DOCK10: variants seen among roughly 807,000 people sequenced by gnomAD.
DOCK10 encodes dedicator of cytokinesis protein 10.
In DOCK10, 145 loss-of-function variants were observed where a neutral mutation model predicts 280.1. That is an observed-to-expected ratio of 0.52 (90% CI 0.45 to 0.59). The LOEUF is 0.59. Among genes scored for constraint, DOCK10 ranks in the 20% least tolerant of loss-of-function variants. DOCK10 has a pLI of 0.00. For missense variants in DOCK10, 2,368 were observed against 2,651.7 expected (o/e 0.89, Z 2.35); for synonymous variants, 915 against 942.2 (o/e 0.97, Z 0.53).
intron 1 of DOCK10, among the ~76,000 whole-genome samples, chr2:224,981,659 A>T (rs1238166869): frequency 6.6e-6 from 1 of 152,246 alleles, no homozygotes; most frequent in Non-Finnish European, 1.5e-5. Context: ...AAGCTTTCTA[A>T]TGAAAACACT....
intron 1 of DOCK10, among the ~76,000 whole-genome samples, chr2:225,016,935 C>T (rs374727208): frequency 1.6e-3 from 241 of 151,946 alleles, no homozygotes; most frequent in African/African-American, 5.5e-3. Flanking sequence ...GTTGGCCAGG[C>T]TGGTCTCAAA....
intron 2 of DOCK10, among the ~76,000 whole-genome samples, chr2:224,922,440 A>G (rs1216768182): frequency 7.9e-5 from 12 of 152,362 alleles, no homozygotes; most frequent in African/African-American, 2.2e-4. Context: ...CTGAAACTGC[A>G]GTGGAACTCA....
chr2:224,832,296 C>T lies in DOCK10; in HGVS notation c.2965-1684G>A, dbSNP rs1574902442. Among the ~76,000 whole-genome samples, 5 of 152,280 alleles carry T rather than the reference C, an allele frequency of 3.3e-5. No homozygotes were observed. In the South Asian group the frequency reaches 1.0e-3, roughly 32 times the overall value. Reference sequence around the variant, plus strand: ...TGTATTCTTCTGAGATTGCCTTTTTCATTCAACAAATTCTGTTCTGTGGTT... The same window carrying T: ...TGTATTCTTCTGAGATTGCCTTTTTTATTCAACAAATTCTGTTCTGTGGTT... On this transcript the variant is annotated intron_variant, in intron 26 of 55. Coordinates refer to ENST00000258390, the MANE Select transcript of DOCK10 (RefSeq NM_014689.3).
intron 28 of DOCK10, among the ~76,000 whole-genome samples, chr2:224,823,034 C>T (rs999804746): frequency 2.7e-5 from 4 of 149,962 alleles, no homozygotes; most frequent in Non-Finnish European, 5.9e-5. Context: ...TGTCACCAGG[C>T]TAGAGTGCAG....
At chr2:224,823,233 G>A (rs1011078250) in intron 28 of DOCK10, among the ~76,000 whole-genome samples, 15 of 151,720 alleles carry the variant, frequency 9.9e-5, no homozygotes, top group Non-Finnish European at 1.6e-4. Flanking sequence ...TGATCTGCCC[G>A]CCTTGGCCTC....
chr2:225,029,048 A>T (rs1324758998), intron 1 of DOCK10, among the ~76,000 whole-genome samples: 1 of 152,214 alleles, frequency 6.6e-6, no homozygotes, highest in African/African-American at 2.4e-5. Context: ...TGTATTACAG[A>T]TGGTGCACTG....
At chr2:224,993,155 G>A (rs1357167232) in intron 1 of DOCK10, among the ~76,000 whole-genome samples, 1 of 151,546 alleles carries the variant, frequency 6.6e-6, no homozygotes, top group Non-Finnish European at 1.5e-5. Context: ...TGTGGTGCAG[G>A]TTGATGGAAG....
At chr2:224,809,112 G>C (rs1693599820) in intron 31 of DOCK10, among the ~76,000 whole-genome samples, 1 of 152,102 alleles carries the variant, frequency 6.6e-6, no homozygotes, top group Non-Finnish European at 1.5e-5. Context: ...GAATTATAGA[G>C]AAAAGGCCCT....
chr2:224,770,513 A>G lies in DOCK10; in HGVS notation c.6305+32T>C. 1 of 1,595,884 alleles carries G rather than the reference A, an allele frequency of 6.3e-7. No individual in the cohort carries two copies. The highest frequency in any genetic ancestry group is 8.6e-7 in the Non-Finnish European group (1 of 1,163,590). ...GAGGACTCCCTGTCTCAGGAAGTTC[A>G]AGGAAGAACATCCCAACAGCGAGAA... is the stretch of plus-strand genomic sequence containing the variant. On this transcript the variant is annotated intron_variant, in intron 54 of 55. Transcript: ENST00000258390. The surrounding 1 kb of genome is among the most constrained non-coding windows in gnomAD (Gnocchi z 4.5).
chr2:224,797,402 A>G (rs1692657324), intron 42 of DOCK10, among the ~76,000 whole-genome samples: 1 of 152,154 alleles, frequency 6.6e-6, no homozygotes, highest in Non-Finnish European at 1.5e-5. Flanking sequence ...ACAATCCAAA[A>G]TAACAGTGAG....
rs149766229 is a variant in DOCK10 at position 224,874,005 on chromosome 2, C to T, written c.1248G>A (p.Pro416=). The change falls in exon 11 of 56, where the codon CCG becomes CCA. Residue 416 remains proline, a synonymous_variant. Transcript: ENST00000258390. ...QGCVTENEND[P]ITNIEPFFVS... The stretch of plus-strand genomic sequence containing the variant: ...CAGAGGAGAAACTTACATTCGTTAT[C>T]GGATCATTTTCATTCTCCGTAACAC... 194 of 1,610,222 alleles carry T rather than the reference C, an allele frequency of 1.2e-4. 1 individual carries two copies. In the East Asian group the frequency reaches 3.8e-3, roughly 31 times the overall value.
intron 26 of DOCK10, among the ~76,000 whole-genome samples, chr2:224,831,374 C>A (rs1574900523): frequency 3.3e-5 from 5 of 152,274 alleles, no homozygotes; most frequent in African/African-American, 9.6e-5. Flanking sequence ...TATGTTTGAT[C>A]CTCCTACCTC....
At chr2:225,014,290 G>A (rs1165832644) in intron 1 of DOCK10, among the ~76,000 whole-genome samples, 1 of 151,768 alleles carries the variant, frequency 6.6e-6, no homozygotes. Flanking sequence ...ATCCTTTGGA[G>A]ACAATGAAAA....
rs182740022 is a variant in DOCK10, at chr2:224,817,577, G to C, written c.3268-864C>G. 1.9e-4 allele frequency among the ~76,000 whole-genome samples: 29 copies of C among 152,228 alleles called. No homozygotes were observed. In the East Asian group the frequency reaches 3.9e-3, roughly 20 times the overall value. ...AACCTTTGTACATCAAAGTGAACAGGAGCATTATTAAATTATATGTTAACT... is the reference window on the plus strand; with the variant it reads ...AACCTTTGTACATCAAAGTGAACAGCAGCATTATTAAATTATATGTTAACT... On this transcript the variant is annotated intron_variant, in intron 29 of 55. Coordinates refer to ENST00000258390, the MANE Select transcript of DOCK10 (RefSeq NM_014689.3).
At chr2:224,830,654 G>T in intron 26 of DOCK10, 42 bp from the exon 27 acceptor site, 1 of 1,222,234 alleles carries the variant, frequency 8.2e-7, no homozygotes, top group Non-Finnish European at 1.1e-6. Flanking sequence ...ATTATCCTAT[G>T]GCAAAATAAT....
intron 1 of DOCK10, among the ~76,000 whole-genome samples, chr2:224,935,532 A>G (rs934339108): frequency 6.6e-6 from 1 of 152,212 alleles, no homozygotes; most frequent in Non-Finnish European, 1.5e-5. Flanking sequence ...CTGGGATTCC[A>G]GTTTTGGCAT....
chr2:225,020,891 G>C (rs112458642), intron 1 of DOCK10, among the ~76,000 whole-genome samples: 2,755 of 152,292 alleles, frequency 0.018, 33 homozygotes, highest in South Asian at 0.04. Flanking sequence ...AAATGTGATA[G>C]AGTGCATATG....
At chr2:224,828,393 C>T (rs560136307) in intron 27 of DOCK10, among the ~76,000 whole-genome samples, 44 of 152,156 alleles carry the variant, frequency 2.9e-4, no homozygotes, top group East Asian at 3.9e-4. Flanking sequence ...CTAGAGATGG[C>T]CTACTTTAAG....
chr2:224,937,498 T>C (rs1189516475), intron 1 of DOCK10, among the ~76,000 whole-genome samples: 2 of 152,202 alleles, frequency 1.3e-5, no homozygotes, highest in Non-Finnish European at 2.9e-5. Context: ...TATGCTTTCA[T>C]ATTTATGATT....
Sources: gnomAD v4.1 joint callset for allele counts (sites outside exome capture counted in the v4.1 genomes callset) on GRCh38, gnomAD v4.1.1 for gene constraint, Gnocchi (gnomAD v3.1) non-coding constraint, MANE v1.5 for transcripts, NCBI Gene and HGNC (gene_info 2026-07-23, HGNC 2026-07-21) for gene names.